CSNK1G3: variants seen among roughly 807,000 people sequenced by gnomAD.
CSNK1G3 encodes casein kinase 1 gamma 3, also known as casein kinase I isoform gamma-3.
In CSNK1G3, 23 loss-of-function variants were observed where a neutral mutation model predicts 64.3. The observed-to-expected ratio is 0.36, with a 90% confidence interval of 0.26 to 0.51. The LOEUF (loss-of-function observed/expected upper bound fraction) is 0.51, where lower values mean the gene tolerates loss of function less well. CSNK1G3 is among the 20% of genes least tolerant of loss of function. The pLI, the probability that CSNK1G3 is intolerant of heterozygous loss-of-function variation, is 0.96. For synonymous variants in CSNK1G3, 158 were observed against 162.2 expected (o/e 0.97, Z 0.20); for missense variants, 357 against 510.5 (o/e 0.70, Z 2.90).
chr5:123,525,802 G>T (rs1187355709), intron 1 of CSNK1G3, among the ~76,000 whole-genome samples: 1 of 151,698 alleles, frequency 6.6e-6, no homozygotes, highest in Admixed American at 6.6e-5. Flanking sequence ...GACTGTCCTG[G>T]CTAACATGGT....
intron 4 of CSNK1G3, among the ~76,000 whole-genome samples, chr5:123,570,448 G>T (rs1351389833): frequency 1.3e-5 from 2 of 151,550 alleles, no homozygotes; most frequent in Non-Finnish European, 2.9e-5. Flanking sequence ...CCACCTCCTG[G>T]GTTCAAGCAG....
At chr5:123,555,833 A>G (rs1184698724) in intron 3 of CSNK1G3, among the ~76,000 whole-genome samples, 1 of 152,006 alleles carries the variant, frequency 6.6e-6, no homozygotes, top group African/African-American at 2.4e-5. Context: ...TATATATTTA[A>G]TTTCATTTGT....
chr5:123,594,089 A>C (rs1251668972), intron 10 of CSNK1G3, among the ~76,000 whole-genome samples: 1 of 152,124 alleles, frequency 6.6e-6, no homozygotes, highest in Non-Finnish European at 1.5e-5. Flanking sequence ...TTAATGTCTC[A>C]CTGTCTTCAT....
chr5:123,595,327 C>T (rs1225374671), intron 10 of CSNK1G3, among the ~76,000 whole-genome samples, 193 bp downstream of exon 11: 1 of 152,066 alleles, frequency 6.6e-6, no homozygotes, highest in African/African-American at 2.4e-5. Flanking sequence ...ATCAGGAATA[C>T]CAAGATTTTT....
At chr5:123,563,380 C>A (rs1345559588) in intron 4 of CSNK1G3, among the ~76,000 whole-genome samples, 1 of 151,950 alleles carries the variant, frequency 6.6e-6, no homozygotes, top group African/African-American at 2.4e-5. Flanking sequence ...ATAATGCTGT[C>A]TTTTAAAAGG....
At chr5:123,602,994 G>A (rs369134458) in intron 10 of CSNK1G3, among the ~76,000 whole-genome samples, 3 of 152,080 alleles carry the variant, frequency 2.0e-5, no homozygotes, top group Non-Finnish European at 4.4e-5. Flanking sequence ...GCAAGGTAAG[G>A]TATCTTTCCC....
intron 4 of CSNK1G3, among the ~76,000 whole-genome samples, chr5:123,564,319 A>T (rs1220619333): frequency 6.6e-6 from 1 of 152,054 alleles, no homozygotes; most frequent in African/African-American, 2.4e-5. Flanking sequence ...TTCAATGATT[A>T]ATTAAGCACA....
chr5:123,525,188 G>A (rs1006480082), intron 1 of CSNK1G3, among the ~76,000 whole-genome samples: 23 of 150,540 alleles, frequency 1.5e-4, no homozygotes, highest in African/African-American at 5.4e-4. Flanking sequence ...GGTCTTTAAT[G>A]ATCACTTATT....
At chr5:123,547,366 CTA>C (rs1491531056) in intron 2 of CSNK1G3, among the ~76,000 whole-genome samples, 1 of 151,992 alleles carries the variant, frequency 6.6e-6, no homozygotes, top group African/African-American at 2.4e-5. Context: ...TTCAAAATAA[CTA>C]CACACACACA....
chr5:123,610,186 T>C (rs913823695), intron 12 of CSNK1G3, among the ~76,000 whole-genome samples: 29 of 152,228 alleles, frequency 1.9e-4, no homozygotes, highest in African/African-American at 7.0e-4. Context: ...TAAACTCTTC[T>C]TGCTTAGCTA....
chr5:123,566,003 A>G lies in CSNK1G3; in HGVS notation c.290-7390A>G, dbSNP rs902508863. ...ATATCACTGTTTTACATTTTACATG[A>G]AGAATTCTAGACCTGAAAATGGATC... is the stretch of plus-strand genomic sequence containing the variant. On this transcript the variant is annotated intron_variant, in intron 4 of 12. Transcript: ENST00000345990. Among the ~76,000 whole-genome samples, 14 of 152,308 alleles carry G rather than the reference A, an allele frequency of 9.2e-5. No individual in the cohort carries two copies. In the East Asian group the frequency reaches 2.7e-3, roughly 29 times the overall value.
At chr5:123,604,603 CT>C in intron 10 of CSNK1G3, 120 bp from the exon 12 acceptor site, 1 of 517,842 alleles carries the variant, frequency 1.9e-6, no homozygotes, top group South Asian at 3.4e-5. Flanking sequence ...CTCACATTAA[CT>C]TTCTAATTGA....
intron 1 of CSNK1G3, among the ~76,000 whole-genome samples, chr5:123,543,035 G>C (rs1017303071): frequency 1.3e-5 from 2 of 151,634 alleles, no homozygotes; most frequent in Non-Finnish European, 2.9e-5. Context: ...CTTGGAGTCT[G>C]TCTCCTGTGA....
intron 1 of CSNK1G3, among the ~76,000 whole-genome samples, chr5:123,539,437 T>TG (rs1554069353): frequency 2.9e-4 from 38 of 133,252 alleles, no homozygotes; most frequent in Middle Eastern, 3.9e-3. Context: ...AAGAGCAGAT[T>TG]AAAAAAAAAA....
chr5:123,540,924 T>A (rs1285028212), intron 1 of CSNK1G3, among the ~76,000 whole-genome samples: 1 of 152,224 alleles, frequency 6.6e-6, no homozygotes. Context: ...CCAACAAGTC[T>A]GGCGATTTCT....
At chr5:123,532,305 G>T (rs1392295289) in intron 1 of CSNK1G3, among the ~76,000 whole-genome samples, 1 of 151,738 alleles carries the variant, frequency 6.6e-6, no homozygotes, top group Non-Finnish European at 1.5e-5. Context: ...CTTCTCTGCT[G>T]ATTTTTTTAT....
intron 4 of CSNK1G3, among the ~76,000 whole-genome samples, chr5:123,573,006 A>G (rs1363658283): frequency 6.6e-6 from 1 of 152,202 alleles, no homozygotes; most frequent in African/African-American, 2.4e-5. Context: ...TGCCTATCAC[A>G]TGGTTATTAA....
chr5:123,571,322 C>T (rs1472154737), intron 4 of CSNK1G3, among the ~76,000 whole-genome samples: 3 of 151,948 alleles, frequency 2.0e-5, no homozygotes, highest in Non-Finnish European at 4.4e-5. Context: ...CTTGCTCTGT[C>T]GCCCAGGCTG....
chr5:123,560,520 A>G (rs1339437637), intron 4 of CSNK1G3, among the ~76,000 whole-genome samples: 1 of 152,134 alleles, frequency 6.6e-6, no homozygotes, highest in Non-Finnish European at 1.5e-5. Context: ...CATAAGATGG[A>G]ATATTATCCA....
Sources: allele counts gnomAD v4.1 joint callset (sites outside exome capture counted in the v4.1 genomes callset), GRCh38; gene constraint gnomAD v4.1.1; transcripts MANE v1.5; gene names NCBI Gene and HGNC (gene_info 2026-07-23, HGNC 2026-07-21).